Variants in FGF12 observed in about 807,000 individuals in gnomAD.
FGF12 encodes fibroblast growth factor 12B.
Under a neutral mutation model 23.6 loss-of-function variants are expected in FGF12, and 14 were observed. The ratio of observed to expected loss-of-function variants is 0.59; its 90% CI spans 0.39 to 0.93. The LOEUF is 0.93. FGF12 is among the 40% of genes least tolerant of loss of function. The pLI is 0.00. For synonymous variants in FGF12, 62 were observed against 77.3 expected (o/e 0.80, Z 1.04); for missense variants, 175 against 217.8 (o/e 0.80, Z 1.24).
intron 4 of FGF12, among the ~76,000 whole-genome samples, chr3:192,202,693 A>G (rs958316814): frequency 1.3e-5 from 2 of 152,272 alleles, no homozygotes; most frequent in African/African-American, 2.4e-5. Context: ...CCCTATGTGA[A>G]TTTGCAGCAT....
At chr3:192,171,691 A>G (rs923061356) in intron 4 of FGF12, among the ~76,000 whole-genome samples, 10 of 152,156 alleles carry the variant, frequency 6.6e-5, no homozygotes, top group Non-Finnish European at 1.5e-4. Flanking sequence ...AGACATATTC[A>G]CCACAGTCAC....
intron 2 of FGF12, among the ~76,000 whole-genome samples, chr3:192,614,738 C>CA (rs1714684237): frequency 6.6e-6 from 1 of 151,858 alleles, no homozygotes; most frequent in Non-Finnish European, 1.5e-5. Context: ...AACAGAGAGA[C>CA]AGAGTTTCAG....
intron 2 of FGF12, among the ~76,000 whole-genome samples, chr3:192,569,400 T>G (rs1712491430): frequency 6.6e-6 from 1 of 152,194 alleles, no homozygotes; most frequent in Non-Finnish European, 1.5e-5. Context: ...TCTCCTTAAT[T>G]TCTAAGGAAC....
chr3:192,474,676 A>C (rs1723267123), intron 2 of FGF12, among the ~76,000 whole-genome samples: 1 of 152,158 alleles, frequency 6.6e-6, no homozygotes, highest in East Asian at 1.9e-4. Flanking sequence ...ACCTGAGGTC[A>C]GGAGTTCGAG....
At chr3:192,314,922 T>C (rs1042229681) in intron 4 of FGF12, among the ~76,000 whole-genome samples, 1 of 152,192 alleles carries the variant, frequency 6.6e-6, no homozygotes, top group Non-Finnish European at 1.5e-5. Context: ...GAAGGTTAAA[T>C]AGGTGCCACC....
chr3:192,376,065 A>G (rs529747925), intron 2 of FGF12, among the ~76,000 whole-genome samples: 5 of 152,258 alleles, frequency 3.3e-5, no homozygotes, highest in African/African-American at 1.2e-4. Context: ...CAAATTCTCT[A>G]TCTTAATCTC....
At chr3:192,275,583 G>A (rs894696106) in intron 4 of FGF12, among the ~76,000 whole-genome samples, 3 of 152,146 alleles carry the variant, frequency 2.0e-5, no homozygotes, top group Non-Finnish European at 4.4e-5. Context: ...AAGGTTTTGT[G>A]AAGGTGGTGT....
chr3:192,251,202 T>A (rs575610362), intron 4 of FGF12, among the ~76,000 whole-genome samples: 1 of 152,290 alleles, frequency 6.6e-6, no homozygotes, highest in East Asian at 1.9e-4. Context: ...TCATATAACA[T>A]GTTTCTCCTA....
intron 2 of FGF12, among the ~76,000 whole-genome samples, chr3:192,525,139 A>G (rs1405014600): frequency 6.6e-6 from 1 of 151,988 alleles, no homozygotes; most frequent in Non-Finnish European, 1.5e-5. Flanking sequence ...CTCCATTTTT[A>G]CTGTTACTAG....
At chr3:192,410,672 T>C (rs1199519705) in intron 2 of FGF12, among the ~76,000 whole-genome samples, 1 of 152,170 alleles carries the variant, frequency 6.6e-6, no homozygotes. Flanking sequence ...CCAGATTTCT[T>C]GGTTCTGTCT....
intron 2 of FGF12, among the ~76,000 whole-genome samples, chr3:192,378,346 T>G (rs1719664996): frequency 6.7e-6 from 1 of 149,886 alleles, no homozygotes; most frequent in Non-Finnish European, 1.5e-5. Context: ...CCTGGGCTCA[T>G]GCCATCCACC....
At chr3:192,586,605 A>T (rs1322970168) in intron 2 of FGF12, among the ~76,000 whole-genome samples, 1 of 152,228 alleles carries the variant, frequency 6.6e-6, no homozygotes, top group Non-Finnish European at 1.5e-5. Context: ...CCTCTGACAC[A>T]GTCTATGTTG....
At chr3:192,570,101 GAA>G (rs1451176659) in intron 2 of FGF12, among the ~76,000 whole-genome samples, 1 of 152,162 alleles carries the variant, frequency 6.6e-6, no homozygotes, top group Non-Finnish European at 1.5e-5. Context: ...GAAGAAAAAA[GAA>G]AAGAGGACAG....
intron 3 of FGF12, among the ~76,000 whole-genome samples, chr3:192,355,401 A>G (rs1718424996): frequency 6.6e-6 from 1 of 152,256 alleles, no homozygotes; most frequent in African/African-American, 2.4e-5. Flanking sequence ...GTACATGTTG[A>G]TAAGTGCATA....
intron 3 of FGF12, among the ~76,000 whole-genome samples, chr3:192,359,654 T>C (rs1354849589): frequency 6.6e-6 from 1 of 152,170 alleles, no homozygotes; most frequent in Non-Finnish European, 1.5e-5. Flanking sequence ...ATTTGACATT[T>C]TTCTAGACTG....
rs182903564 is a variant in FGF12, at chr3:192,650,005, G to C, written c.13+77176C>G. ...GTTTTGAAGGAAATGTATTTTCTTT[G>C]ATAACTTGGCAACATGCAAACCTGT... On this transcript the variant is annotated intron_variant, in intron 2 of 5. Coordinates refer to ENST00000445105, the MANE Select transcript of FGF12 (RefSeq NM_004113.6). Among the ~76,000 whole-genome samples, 3 of 152,290 alleles carry C rather than the reference G, an allele frequency of 2.0e-5. No homozygotes were observed. In the East Asian group the frequency reaches 5.8e-4, roughly 29 times the overall value.
chr3:192,316,125 G>A (rs1406323570), intron 4 of FGF12, among the ~76,000 whole-genome samples: 1 of 152,106 alleles, frequency 6.6e-6, no homozygotes, highest in African/African-American at 2.4e-5. Context: ...GTGGTATTAA[G>A]ATGGTTAGAG....
intron 2 of FGF12, among the ~76,000 whole-genome samples, chr3:192,478,385 A>G (rs1017269627): frequency 6.6e-6 from 1 of 151,790 alleles, no homozygotes; most frequent in African/African-American, 2.4e-5. Context: ...CAAACTATAT[A>G]CTATATATCC....
intron 5 of FGF12, among the ~76,000 whole-genome samples, chr3:192,158,395 C>CTTTCT (rs1553844161): frequency 2.7e-5 from 2 of 72,848 alleles, no homozygotes; most frequent in South Asian, 5.8e-4. Context: ...TTCTTTCTCT[C>CTTTCT]TCTTTCTTTT....
Sources: allele counts gnomAD v4.1 joint callset (sites outside exome capture counted in the v4.1 genomes callset), GRCh38; gene constraint gnomAD v4.1.1; transcripts MANE v1.5; gene names NCBI Gene and HGNC (gene_info 2026-07-23, HGNC 2026-07-21).